The following ERGIC1 variants were observed in gnomAD, a reference collection of about 807,000 sequenced individuals.
ERGIC1 encodes endoplasmic reticulum-golgi intermediate compartment 1.
Under a neutral mutation model 38.3 loss-of-function variants are expected in ERGIC1, and 19 were observed. That is an observed-to-expected ratio of 0.50 (90% CI 0.35 to 0.73). ERGIC1 has a LOEUF of 0.73. Among genes scored for constraint, ERGIC1 ranks in the 30% least tolerant of loss-of-function variants. The pLI is 0.01. For synonymous variants in ERGIC1, 124 were observed against 157.6 expected (o/e 0.79, Z 1.60); for missense variants, 294 against 389.2 (o/e 0.76, Z 2.06).
intron 3 of ERGIC1, chr5:172,905,172 A>G (rs1762985139): frequency 8.3e-6 from 2 of 239,706 alleles, no homozygotes; most frequent in Admixed American, 4.2e-5. Context: ...GCGGAGGCCC[A>G]GCCTCGCCAG....
rs2113492483 is a variant in ERGIC1, at chr5:172,834,515, C to A, written c.20+82C>A. 12 of 1,233,742 alleles carry A rather than the reference C, an allele frequency of 9.7e-6. No individual in the cohort carries two copies. Among genetic ancestry groups the A allele is most frequent in the Non-Finnish European group, 1.2e-5 (12 of 981,776 alleles). The allele number at this position is 1,233,742 out of a possible 1,614,324, so 76.4% of individuals were successfully genotyped here. On this transcript the variant is annotated intron_variant, in intron 1 of 9. Transcript: ENST00000393784. This position sits in a 1 kb window ranked among gnomAD's most constrained non-coding sequence, Gnocchi z 4.1. ...CCGGCACGCCGCGGACCCCTCCCGC[C>A]CTGCATGCAAAAGCGGCTCCCCGCC...
intron 1 of ERGIC1, among the ~76,000 whole-genome samples, chr5:172,876,327 T>C (rs1451056973): frequency 1.3e-5 from 2 of 152,264 alleles, no homozygotes; most frequent in African/African-American, 4.8e-5. Context: ...GAAGTTATTC[T>C]ATAAAACAGA....
At chr5:172,852,672 T>G (rs769634825) in intron 1 of ERGIC1, among the ~76,000 whole-genome samples, 23 of 152,248 alleles carry the variant, frequency 1.5e-4, no homozygotes, top group Admixed American at 7.2e-4. Flanking sequence ...GGTCTGAACC[T>G]CAGCTCTCCT....
intron 1 of ERGIC1, among the ~76,000 whole-genome samples, chr5:172,858,396 G>A (rs1026450129): frequency 3.9e-5 from 6 of 152,216 alleles, no homozygotes; most frequent in Admixed American, 1.3e-4. Flanking sequence ...CTCTTGATGC[G>A]AAGGGAAGAG....
At chr5:172,916,405 A>T (rs542095104) in intron 5 of ERGIC1, 2 of 152,204 alleles carry the variant, frequency 1.3e-5, no homozygotes, top group Admixed American at 1.3e-4. Context: ...TTTGGATTTT[A>T]TGGTGGTTGT....
At chr5:172,878,273 C>T (rs1467314394) in intron 1 of ERGIC1, among the ~76,000 whole-genome samples, 2 of 152,114 alleles carry the variant, frequency 1.3e-5, no homozygotes, top group Non-Finnish European at 2.9e-5. Flanking sequence ...CTATGTAGAC[C>T]AGGAGTCGTC....
At chr5:172,907,506 C>T (rs1483516707) in intron 3 of ERGIC1, among the ~76,000 whole-genome samples, 6 of 151,838 alleles carry the variant, frequency 4.0e-5, no homozygotes, top group African/African-American at 7.3e-5. Context: ...TGCAGTGAGC[C>T]GAGATCGCGC....
intron 5 of ERGIC1, chr5:172,916,013 A>C (rs1405472706): frequency 5.1e-6 from 1 of 194,606 alleles, no homozygotes; most frequent in Non-Finnish European, 1.1e-5. Context: ...CTCTCACTAC[A>C]CTGGGTCCGT....
At chr5:172,924,684 C>T (rs2112243) in intron 6 of ERGIC1, among the ~76,000 whole-genome samples, 27,219 of 152,060 alleles carry the variant, frequency 0.18, 2,593 homozygotes, top group South Asian at 0.22. Flanking sequence ...CGCATTGCCA[C>T]GTGCAGGGGC....
intron 3 of ERGIC1, among the ~76,000 whole-genome samples, chr5:172,909,401 C>A (rs536341851): frequency 6.6e-6 from 1 of 151,976 alleles, no homozygotes; most frequent in African/African-American, 2.4e-5. Context: ...CTCAGGTGAC[C>A]CACCCACCTT....
intron 1 of ERGIC1, among the ~76,000 whole-genome samples, chr5:172,851,821 G>A (rs1761416666): frequency 6.6e-6 from 1 of 152,122 alleles, no homozygotes; most frequent in African/African-American, 2.4e-5. Context: ...CCAGCTCCTT[G>A]GGCCAGTCAC....
chr5:172,891,189 G>A (rs1267861994), intron 2 of ERGIC1, among the ~76,000 whole-genome samples: 3 of 152,226 alleles, frequency 2.0e-5, no homozygotes, highest in Non-Finnish European at 4.4e-5. Context: ...ATGAGGGCCT[G>A]TGGCCTGAGA....
chr5:172,894,855 C>T (rs1260707210), intron 2 of ERGIC1, among the ~76,000 whole-genome samples: 1 of 152,346 alleles, frequency 6.6e-6, no homozygotes, highest in South Asian at 2.1e-4. Flanking sequence ...CTTTCTTCTC[C>T]CTTCCCTCGG....
chr5:172,838,284 T>A (rs570984152), intron 1 of ERGIC1, among the ~76,000 whole-genome samples: 1 of 152,314 alleles, frequency 6.6e-6, no homozygotes, highest in South Asian at 2.1e-4. Flanking sequence ...GAGTCCCTTG[T>A]TGAAAAAGTA....
At chr5:172,843,987 A>C (rs1761225495) in intron 1 of ERGIC1, among the ~76,000 whole-genome samples, 1 of 152,216 alleles carries the variant, frequency 6.6e-6, no homozygotes, top group Non-Finnish European at 1.5e-5. Flanking sequence ...TCCTGGCGGC[A>C]TAGTCCTGTG....
chr5:172,883,694 T>G (rs543161939), intron 1 of ERGIC1, among the ~76,000 whole-genome samples: 1 of 152,304 alleles, frequency 6.6e-6, no homozygotes, highest in East Asian at 1.9e-4. Context: ...GTTAAGATGA[T>G]GCCTGGGCCA....
At chr5:172,906,975 G>A (rs1350683101) in intron 3 of ERGIC1, among the ~76,000 whole-genome samples, 2 of 152,130 alleles carry the variant, frequency 1.3e-5, no homozygotes, top group Non-Finnish European at 2.9e-5. Flanking sequence ...CTCTTCCAAG[G>A]GCTCTCAGCC....
Position 172,834,269 on chromosome 5 carries a change from GC to G in ERGIC1, c.-144del. 1.5e-6 allele frequency: 1 copy of G among 688,722 alleles called. No individual in the cohort carries two copies. Among genetic ancestry groups the G allele is most frequent in the Non-Finnish European group, 1.9e-6 (1 of 526,094 alleles). 42.7% of individuals were successfully genotyped at this position (688,722 alleles called of 1,614,324 possible). ...GAGCGTCACTTCCCGGCAGCGGGAG[GC>G]GAGTGGCGAGTGGCGAGTGGCGAGT... On this transcript the variant is annotated 5_prime_UTR_variant, in exon 1 of 10. Transcript: ENST00000393784. The surrounding 1 kb of genome is among the most constrained non-coding windows in gnomAD (Gnocchi z 4.1).
intron 1 of ERGIC1, among the ~76,000 whole-genome samples, chr5:172,840,400 CAGGGTGTGAAG>C (rs1445379121): frequency 6.6e-6 from 1 of 152,150 alleles, no homozygotes; most frequent in African/African-American, 2.4e-5. Flanking sequence ...GAGAGACAGG[CAGGGTGTGAAG>C]AGGGTATTTG....
Sources: gnomAD v4.1 joint callset for allele counts (sites outside exome capture counted in the v4.1 genomes callset) on GRCh38, gnomAD v4.1.1 for gene constraint, Gnocchi (gnomAD v3.1) non-coding constraint, MANE v1.5 for transcripts, NCBI Gene and HGNC (gene_info 2026-07-23, HGNC 2026-07-21) for gene names.